FSTL5: variants seen among roughly 807,000 people sequenced by gnomAD.
FSTL5 encodes follistatin-related protein 5.
FSTL5 carries 62 observed loss-of-function variants against 89.1 expected under a neutral mutation model. The ratio of observed to expected loss-of-function variants is 0.70; its 90% CI spans 0.57 to 0.86. The LOEUF (loss-of-function observed/expected upper bound fraction) is 0.86. FSTL5 is among the 40% of genes least tolerant of loss of function. FSTL5 has a pLI of 0.00. For synonymous variants in FSTL5, 383 were observed against 346.2 expected (o/e 1.11, Z -1.18); for missense variants, 1,057 against 1,001.6 (o/e 1.06, Z -0.75).
chr4:161,980,293 AAG>A (rs1735789087), intron 3 of FSTL5, among the ~76,000 whole-genome samples: 1 of 151,756 alleles, frequency 6.6e-6, no homozygotes, highest in African/African-American at 2.4e-5. Flanking sequence ...AAGAAAGAGA[AAG>A]AAAGAAAGGA....
At chr4:161,616,878 A>G (rs527274765) in intron 7 of FSTL5, among the ~76,000 whole-genome samples, 1 of 151,352 alleles carries the variant, frequency 6.6e-6, no homozygotes, top group Non-Finnish European at 1.5e-5. Context: ...AAATAAAAAA[A>G]CAAAAAGAAA....
At chr4:161,928,123 C>T (rs897416403) in intron 3 of FSTL5, among the ~76,000 whole-genome samples, 1 of 151,778 alleles carries the variant, frequency 6.6e-6, no homozygotes, top group Non-Finnish European at 1.5e-5. Flanking sequence ...AATAGTTTTG[C>T]CTTCTCTAGA....
intron 10 of FSTL5, among the ~76,000 whole-genome samples, chr4:161,511,752 A>G (rs2126501792): frequency 6.6e-6 from 1 of 152,236 alleles, no homozygotes; most frequent in South Asian, 2.1e-4. Flanking sequence ...AACATTGAAA[A>G]CAAATAAATA....
chr4:161,410,093 C>G (rs1481061892), intron 15 of FSTL5, among the ~76,000 whole-genome samples: 1 of 152,094 alleles, frequency 6.6e-6, no homozygotes, highest in African/African-American at 2.4e-5. Flanking sequence ...GTTCTTATAT[C>G]AGATAAAACA....
intron 12 of FSTL5, among the ~76,000 whole-genome samples, chr4:161,493,940 C>T (rs1199879387): frequency 1.3e-5 from 2 of 152,052 alleles, no homozygotes; most frequent in Non-Finnish European, 2.9e-5. Context: ...ACTGTTGTTA[C>T]CCCCAATTTT....
chr4:162,075,519 T>C (rs1729800736), intron 2 of FSTL5, among the ~76,000 whole-genome samples: 1 of 151,810 alleles, frequency 6.6e-6, no homozygotes, highest in African/African-American at 2.4e-5. Context: ...TCAATGTTCA[T>C]GAGTATGAGA....
At chr4:161,938,013 T>G (rs1734479905) in intron 3 of FSTL5, among the ~76,000 whole-genome samples, 1 of 152,160 alleles carries the variant, frequency 6.6e-6, no homozygotes, top group Non-Finnish European at 1.5e-5. Context: ...ACATGACTTC[T>G]CTTTTAACAG....
rs182778319 is a variant in FSTL5 at position 161,684,624 on chromosome 4, C to T, written c.728-28130G>A. On this transcript the variant is annotated intron_variant, in intron 6 of 15. Transcript: ENST00000306100. ...CACTTTTTGATGTGATTGTTTTTTT[C>T]TTGTTGATTTGTTTGAGTTCCTTGT... 6.5e-3 allele frequency among the ~76,000 whole-genome samples: 985 copies of T among 151,916 alleles called. 15 individuals carry two copies. Among genetic ancestry groups the T allele is most frequent in the African/African-American group, 0.023 (951 of 41,428 alleles).
intron 10 of FSTL5, among the ~76,000 whole-genome samples, chr4:161,534,561 G>A (rs1374509053): frequency 6.6e-6 from 1 of 151,984 alleles, no homozygotes; most frequent in Non-Finnish European, 1.5e-5. Context: ...AAACACTGCT[G>A]AAAGAAATCA....
At chr4:161,468,987 A>T (rs1390881787) in intron 13 of FSTL5, among the ~76,000 whole-genome samples, 1 of 152,144 alleles carries the variant, frequency 6.6e-6, no homozygotes, top group Non-Finnish European at 1.5e-5. Flanking sequence ...ATATGTTCAT[A>T]ATTCTGTGTA....
Position 161,759,630 on chromosome 4 carries a change from G to A in FSTL5, c.607-99C>T, listed in dbSNP as rs570658078. On this transcript the variant is annotated intron_variant, in intron 5 of 15. Coordinates refer to ENST00000306100, the MANE Select transcript of FSTL5 (RefSeq NM_020116.5). ...ATAATCACATAATAGTTCATTTCATGTCTGCAGCAGGGCAAAAAACTCAAT... is the reference window on the plus strand; with the variant it reads ...ATAATCACATAATAGTTCATTTCATATCTGCAGCAGGGCAAAAAACTCAAT... The A allele has an allele frequency of 8.5e-5, 62 of 727,516 alleles. No homozygotes were observed. The African/African-American group carries it at 1.0e-3, about 12-fold the overall frequency. 45.1% of individuals were successfully genotyped at this position (727,516 alleles called of 1,614,324 possible). A position where few individuals can be genotyped will look rare whatever the true frequency, so the allele number is the denominator to read the frequency against.
At chr4:161,898,376 T>G (rs1340446442) in intron 4 of FSTL5, among the ~76,000 whole-genome samples, 1 of 151,580 alleles carries the variant, frequency 6.6e-6, no homozygotes, top group African/African-American at 2.4e-5. Context: ...TTTTTTTCTT[T>G]GTGCACATAA....
intron 7 of FSTL5, among the ~76,000 whole-genome samples, chr4:161,630,029 C>T (rs1341113763): frequency 6.6e-6 from 1 of 152,150 alleles, no homozygotes; most frequent in African/African-American, 2.4e-5. Flanking sequence ...GCAGCCGAGG[C>T]CTCTTAATGG....
chr4:161,574,430 T>G (rs1486735390), intron 8 of FSTL5, among the ~76,000 whole-genome samples: 1 of 151,796 alleles, frequency 6.6e-6, no homozygotes, highest in Non-Finnish European at 1.5e-5. Flanking sequence ...TGTGCCAGCG[T>G]GGTTTGCTGC....
chr4:161,417,357 A>G (rs556340410), intron 15 of FSTL5, among the ~76,000 whole-genome samples: 70 of 152,328 alleles, frequency 4.6e-4, no homozygotes, highest in African/African-American at 1.5e-3. Flanking sequence ...TCTTTTAATC[A>G]CGCCATTCAT....
At chr4:161,749,789 C>CA (rs199662552) in intron 6 of FSTL5, among the ~76,000 whole-genome samples, 71 of 139,854 alleles carry the variant, frequency 5.1e-4, no homozygotes, top group Middle Eastern at 3.7e-3. Flanking sequence ...GAGACTCCGT[C>CA]AAAAAAAAAA....
intron 2 of FSTL5, among the ~76,000 whole-genome samples, chr4:162,100,442 A>G (rs1486109174): frequency 6.6e-6 from 1 of 152,134 alleles, no homozygotes; most frequent in African/African-American, 2.4e-5. Context: ...ATTCCAATGC[A>G]TATTACTAAA....
intron 4 of FSTL5, among the ~76,000 whole-genome samples, chr4:161,798,429 A>AT (rs914012918): frequency 3.3e-5 from 5 of 151,126 alleles, no homozygotes; most frequent in Admixed American, 6.6e-5. Context: ...TTAGTTTAGG[A>AT]TTTTTTTTGC....
At position 161,421,966 on chromosome 4, in the gene FSTL5, T is replaced by C. The variant is rs573911939; in HGVS notation, c.1841+33038A>G. Among the ~76,000 whole-genome samples, 43 of 152,166 alleles carry C rather than the reference T, an allele frequency of 2.8e-4. 1 individual carries two copies. Among genetic ancestry groups the C allele is most frequent in the Admixed American group, 1.0e-3 (16 of 15,280 alleles). ...TTGTGGGACTTTTCAGCCTTCATAA[T>C]TGCATGAACCAATACCTTATAATAA... On this transcript the variant is annotated intron_variant, in intron 15 of 15. Coordinates refer to ENST00000306100, the MANE Select transcript of FSTL5 (RefSeq NM_020116.5).
Sources: gnomAD v4.1 joint callset for allele counts (sites outside exome capture counted in the v4.1 genomes callset) on GRCh38, gnomAD v4.1.1 for gene constraint, MANE v1.5 for transcripts, NCBI Gene and HGNC (gene_info 2026-07-23, HGNC 2026-07-21) for gene names.